LIMS1: variants seen among roughly 807,000 people sequenced by gnomAD.
LIMS1 encodes LIM zinc finger domain containing 1.
In LIMS1, 18 loss-of-function variants were observed where a neutral mutation model predicts 44.1. That is an observed-to-expected ratio of 0.41 (90% CI 0.28 to 0.61). The LOEUF is 0.61. LIMS1 is among the 20% of genes least tolerant of loss of function. LIMS1 has a pLI of 0.32. For synonymous variants in LIMS1, 93 were observed against 149.1 expected, an observed-to-expected ratio of 0.62 and a Z score of 2.74; for missense variants, 201 against 422.0, an observed-to-expected ratio of 0.48 and a Z score of 4.59.
Position 108,662,159 on chromosome 2 carries a change from T to C in LIMS1, c.192+2395T>C, listed in dbSNP as rs1558835048. On this transcript the variant is annotated intron_variant, in intron 2 of 9. Coordinates refer to ENST00000544547, the Ensembl canonical transcript of LIMS1. ...TTTTCCTTATATCCCTGGCTTGCTC[T>C]TTCCCCTGTGAGCACCCTGTAGCTC... The C allele has an allele frequency of 6.8e-6, 11 of 1,611,830 alleles. No homozygotes were observed. The Admixed American group carries it at 1.3e-4, about 20-fold the overall frequency.
intron 1 of LIMS1, among the ~76,000 whole-genome samples, chr2:108,643,470 T>C (rs1270805968): frequency 6.6e-6 from 1 of 152,146 alleles, no homozygotes; most frequent in African/African-American, 2.4e-5. Flanking sequence ...ATGTTGCACT[T>C]TTCCCACGGT....
chr2:108,624,969 G>A (rs1337699190), intron 1 of LIMS1, among the ~76,000 whole-genome samples: 2 of 151,462 alleles, frequency 1.3e-5, no homozygotes, highest in East Asian at 2.0e-4. Context: ...GTCCCAGCTA[G>A]TGAGGATGCT....
At position 108,556,974 on chromosome 2, in the gene LIMS1, CCTT is replaced by C. The variant is rs150009417; in HGVS notation, c.32+22384_32+22386del. On this transcript the variant is annotated intron_variant, in intron 1 of 9. Coordinates refer to ENST00000544547, the Ensembl canonical transcript of LIMS1. The stretch of plus-strand genomic sequence containing the variant: ...ACTAGAAGCAGGGATCCCCCTGACC[CCTT>C]CTTTAAAACAGTTTCTTTTTTGTTT... Among the ~76,000 whole-genome samples, 24 of 152,332 alleles carry C rather than the reference CCTT, an allele frequency of 1.6e-4. No individual in the cohort carries two copies. In the East Asian group the frequency reaches 3.7e-3, roughly 23 times the overall value.
chr2:108,662,486 T>C, intron 2 of LIMS1: 3 of 1,357,242 alleles, frequency 2.2e-6, no homozygotes, highest in Non-Finnish European at 2.0e-6. Flanking sequence ...AACTAGGCTA[T>C]TCATGGGCTG....
chr2:108,560,696 T>C (rs1167842942), intron 1 of LIMS1, among the ~76,000 whole-genome samples: 1 of 151,966 alleles, frequency 6.6e-6, no homozygotes, highest in East Asian at 1.9e-4. Flanking sequence ...ACAGCTTCGA[T>C]GGATGGATGG....
intron 7 of LIMS1, chr2:108,677,064 A>G (rs1437419844): frequency 3.1e-5 from 6 of 192,300 alleles, no homozygotes; most frequent in South Asian, 1.3e-4. Flanking sequence ...ACTCTCTAAC[A>G]TAATTGTAGT....
chr2:108,637,071 CT>C (rs1464575023), intron 1 of LIMS1, among the ~76,000 whole-genome samples: 2 of 148,796 alleles, frequency 1.3e-5, no homozygotes, highest in African/African-American at 5.0e-5. Context: ...GAAAAGAAAC[CT>C]TTTTAAATTC....
At chr2:108,553,093 A>G (rs1218830378) in intron 1 of LIMS1, among the ~76,000 whole-genome samples, 3 of 152,206 alleles carry the variant, frequency 2.0e-5, no homozygotes, top group African/African-American at 7.2e-5. Context: ...AAAAGCATAA[A>G]AAGAGTCATA....
chr2:108,618,501 C>CCTCT (rs145532061), intron 1 of LIMS1, among the ~76,000 whole-genome samples: 10 of 149,538 alleles, frequency 6.7e-5, no homozygotes, highest in African/African-American at 9.8e-5. Flanking sequence ...GGAAAGCAGT[C>CCTCT]CTCTCTCTCT....
intron 1 of LIMS1, among the ~76,000 whole-genome samples, chr2:108,592,944 G>T (rs1013262822): frequency 6.6e-6 from 1 of 152,092 alleles, no homozygotes. Flanking sequence ...AGGACACTTG[G>T]GTTGTTTCCA....
chr2:108,635,169 G>A (rs1052454795), intron 1 of LIMS1, among the ~76,000 whole-genome samples: 8 of 152,124 alleles, frequency 5.3e-5, no homozygotes, highest in Non-Finnish European at 1.0e-4. Context: ...GGTGACTCAC[G>A]CCTGTAACCC....
chr2:108,683,948 G>A (rs1693177512), exon 10 of LIMS1: 2 of 1,603,748 alleles, frequency 1.2e-6, no homozygotes, highest in Non-Finnish European at 1.7e-6. Context: ...AATTTCCATT[G>A]GAGCTGAAGA....
At chr2:108,548,130 G>A (rs900985952) in intron 1 of LIMS1, among the ~76,000 whole-genome samples, 1 of 152,224 alleles carries the variant, frequency 6.6e-6, no homozygotes, top group African/African-American at 2.4e-5. Context: ...TTACATGACT[G>A]AGGATAATGA....
intron 1 of LIMS1, among the ~76,000 whole-genome samples, chr2:108,575,653 G>A (rs1358030824): frequency 1.3e-5 from 2 of 152,134 alleles, no homozygotes; most frequent in Non-Finnish European, 2.9e-5. Context: ...AGAGTTGCAG[G>A]GTTTGCTGCA....
At chr2:108,578,532 A>T (rs1259466663) in intron 1 of LIMS1, among the ~76,000 whole-genome samples, 1 of 150,714 alleles carries the variant, frequency 6.6e-6, no homozygotes, top group Non-Finnish European at 1.5e-5. Context: ...TCTTAAAAGC[A>T]TTTCCGTTAT....
chr2:108,586,652 C>T (rs1686118972), intron 1 of LIMS1, among the ~76,000 whole-genome samples: 1 of 152,184 alleles, frequency 6.6e-6, no homozygotes. Flanking sequence ...CCAGTCTGCC[C>T]AGGATGTTCT....
intron 1 of LIMS1, among the ~76,000 whole-genome samples, chr2:108,578,920 A>C (rs1344990721): frequency 6.6e-6 from 1 of 152,172 alleles, no homozygotes; most frequent in African/African-American, 2.4e-5. Context: ...TTTTAAATCT[A>C]GTTTACAAAG....
chr2:108,663,102 A>G (rs1691488044), intron 2 of LIMS1, among the ~76,000 whole-genome samples: 1 of 152,096 alleles, frequency 6.6e-6, no homozygotes, highest in African/African-American at 2.4e-5. Context: ...TCTCAACTAC[A>G]GTTTCTCTTT....
At chr2:108,546,005 A>G (rs931411652) in intron 1 of LIMS1, among the ~76,000 whole-genome samples, 3 of 152,242 alleles carry the variant, frequency 2.0e-5, no homozygotes, top group Admixed American at 1.3e-4. Context: ...TGATGATACA[A>G]TCTGACAGAT....
Sources: gnomAD v4.1 joint callset for allele counts (sites outside exome capture counted in the v4.1 genomes callset) on GRCh38, gnomAD v4.1.1 for gene constraint, MANE v1.5 for transcripts, NCBI Gene and HGNC (gene_info 2026-07-23, HGNC 2026-07-21) for gene names.